RPL17: variants seen among roughly 807,000 people sequenced by gnomAD.
RPL17 encodes ribosomal protein L17, also known as large ribosomal subunit protein uL22.
RPL17 carries 2 observed loss-of-function variants against 27.7 expected under a neutral mutation model. That is an observed-to-expected ratio of 0.07 (90% CI 0.03 to 0.23). RPL17 has a LOEUF of 0.23. Among genes scored for constraint, RPL17 ranks in the 10% least tolerant of loss-of-function variants. The pLI is 1.00. For missense variants in RPL17, 141 were observed against 238.8 expected (o/e 0.59, Z 2.70); for synonymous variants, 76 against 75.5 (o/e 1.01, Z -0.03).
At chr18:49,489,065 A>AT (rs1303712181) in intron 6 of RPL17, 148 of 277,548 alleles carry the variant, frequency 5.3e-4, no homozygotes, top group South Asian at 1.5e-3. Flanking sequence ...CGCCCAGCTA[A>AT]TTTTTTTTTG....
intron 6 of RPL17, 75 bp downstream of exon 6, chr18:49,489,284 T>G (rs2083884119): frequency 6.7e-7 from 1 of 1,485,760 alleles, no homozygotes; most frequent in Non-Finnish European, 9.3e-7. Context: ...ATTCCAAAGG[T>G]GTCCTAAGAT....
At chr18:49,490,676 C>A in intron 4 of RPL17, 117 bp downstream of exon 4, 1 of 1,585,276 alleles carries the variant, frequency 6.3e-7, no homozygotes, top group Non-Finnish European at 8.6e-7. Flanking sequence ...TCCAAGGTGT[C>A]CTGTCATTAC....
intron 6 of RPL17, chr18:49,489,139 G>C: frequency 4.4e-6 from 2 of 458,216 alleles, no homozygotes; most frequent in Non-Finnish European, 8.0e-6. Context: ...CTGACCTTGT[G>C]ATCCACCCAC....
chr18:49,489,647 C>A, intron 5 of RPL17, 97 bp from the exon 6 acceptor site: 1 of 1,295,320 alleles, frequency 7.7e-7, no homozygotes, highest in Non-Finnish European at 1.1e-6. Flanking sequence ...AGGCTTGCTC[C>A]AGAGTCCTGC....
intron 3 of RPL17, 136 bp from the exon 4 acceptor site, chr18:49,491,063 T>A: frequency 7.1e-7 from 1 of 1,417,260 alleles, no homozygotes. Context: ...TTAAAAAAAC[T>A]TGTGACTAAA....
chr18:49,490,431 C>A, intron 5 of RPL17, 23 bp downstream of exon 5: 16 of 1,611,410 alleles, frequency 9.9e-6, no homozygotes, highest in Non-Finnish European at 1.3e-5. Flanking sequence ...CCAAGTTGCA[C>A]AGGATGTTAG....
chr18:49,489,294 T>C, intron 6 of RPL17, 65 bp downstream of exon 6: 5 of 1,551,240 alleles, frequency 3.2e-6, no homozygotes, highest in East Asian at 2.2e-5. Context: ...TGTCCTAAGA[T>C]AGTCATCACA....
At chr18:49,491,477 G>C in intron 2 of RPL17, 32 bp from the exon 3 acceptor site, 1 of 1,614,064 alleles carries the variant, frequency 6.2e-7, no homozygotes, top group Non-Finnish European at 8.5e-7. Context: ...TTAATTTTTG[G>C]TATCTTATGC....
chr18:49,490,032 C>A (rs1440604988), intron 5 of RPL17, among the ~76,000 whole-genome samples: 1 of 152,196 alleles, frequency 6.6e-6, no homozygotes, highest in Non-Finnish European at 1.5e-5. Flanking sequence ...AAATTTTAAA[C>A]AATTTCTTTC....
In RPL17 at chr18:49,489,339, C is replaced by A. The variant is rs370782659; in HGVS notation, c.507+20G>T. The A allele has an allele frequency of 3.1e-5, 50 of 1,613,350 alleles. No individual in the cohort carries two copies. Among genetic ancestry groups the A allele is most frequent in the Non-Finnish European group, 4.2e-5 (50 of 1,179,552 alleles). The stretch of plus-strand genomic sequence containing the variant: ...AATCTTTCTACTATCACAAACAAAA[C>A]CGAGCAACTACTTATTTACCTTTTT... On this transcript the variant is annotated intron_variant, in intron 6 of 6. Transcript: ENST00000580261.
rs993883643 is a variant in RPL17 at position 49,489,692 on chromosome 18, A to T, written c.316-142T>A. 5.5e-5 allele frequency: 48 copies of T among 877,240 alleles called. No individual in the cohort carries two copies. In the Admixed American group the frequency reaches 1.2e-3, roughly 23 times the overall value. The allele number at this position is 877,240 out of a possible 1,614,324, so 54.3% of individuals were successfully genotyped here. On this transcript the variant is annotated intron_variant, in intron 5 of 6. Coordinates refer to ENST00000580261, the MANE Select transcript of RPL17 (RefSeq NM_001035006.5). The stretch of plus-strand genomic sequence containing the variant: ...ATCATTTTTAAAAGGCAATCCTTTT[A>T]TTCTGCAAATAGCATTTTTTTAACC...
At chr18:49,491,678 AGTT>A (rs752180188) in intron 1 of RPL17, 94 bp from the exon 2 acceptor site, 4 of 1,461,282 alleles carry the variant, frequency 2.7e-6, no homozygotes, top group Middle Eastern at 1.8e-4. Flanking sequence ...CTCAGAGAGT[AGTT>A]GTTTTCATTA....
intron 6 of RPL17, chr18:49,489,043 T>TA: frequency 3.7e-6 from 1 of 273,588 alleles, no homozygotes; most frequent in East Asian, 9.3e-5. Flanking sequence ...GGACTACAGA[T>TA]ACCCGCCACC....
chr18:49,491,946 C>T, intron 1 of RPL17: 1 of 388,340 alleles, frequency 2.6e-6, no homozygotes, highest in Non-Finnish European at 4.9e-6. Flanking sequence ...CCTCCTCCCT[C>T]CCGCTCTACA....
chr18:49,490,631 A>G, intron 4 of RPL17, 79 bp from the exon 5 acceptor site: 4 of 1,602,284 alleles, frequency 2.5e-6, no homozygotes, highest in Non-Finnish European at 2.6e-6. Flanking sequence ...ATCTGATATC[A>G]CGGTTTCTTA....
At chr18:49,490,247 C>T (rs991402135) in intron 5 of RPL17, 4 of 553,078 alleles carry the variant, frequency 7.2e-6, no homozygotes, top group Admixed American at 3.3e-5. Context: ...CCACAGAGCA[C>T]GCTTCTGGAT....
intron 4 of RPL17, 112 bp from the exon 5 acceptor site, chr18:49,490,664 A>G (rs1162330492): frequency 8.2e-6 from 13 of 1,585,684 alleles, no homozygotes; most frequent in African/African-American, 1.3e-5. Context: ...TTTCACCATC[A>G]ATCCAAGGTG....
intron 1 of RPL17, chr18:49,492,112 C>T: frequency 9.9e-6 from 2 of 202,530 alleles, no homozygotes. Context: ...ACTTTTTCCT[C>T]GTTGCGGCCA....
intron 3 of RPL17, 52 bp from the exon 4 acceptor site, chr18:49,490,979 A>T: frequency 6.8e-7 from 1 of 1,477,596 alleles, no homozygotes; most frequent in Admixed American, 1.8e-5. Context: ...TTTAATTTTT[A>T]AAGTAAACGT....
Sources: allele counts gnomAD v4.1 joint callset (sites outside exome capture counted in the v4.1 genomes callset), GRCh38; gene constraint gnomAD v4.1.1; transcripts MANE v1.5; gene names NCBI Gene and HGNC (gene_info 2026-07-23, HGNC 2026-07-21).